Variants in ETS1 observed in about 807,000 individuals in gnomAD.
ETS1 encodes protein C-ets-1.
A neutral mutation model predicts 58.6 loss-of-function variants in ETS1; 15 were observed. The ratio of observed to expected loss-of-function variants is 0.26; its 90% CI spans 0.17 to 0.39. The LOEUF (loss-of-function observed/expected upper bound fraction) is 0.39, where lower values mean the gene tolerates loss of function less well. ETS1 is among the 10% of genes least tolerant of loss of function. ETS1 has a pLI of 1.00. For synonymous variants in ETS1, 214 were observed against 218.2 expected, an observed-to-expected ratio of 0.98 and a Z score of 0.17; for missense variants, 417 against 610.5, an observed-to-expected ratio of 0.68 and a Z score of 3.34.
chr11:128,546,716 A>C (rs1864138260), intron 3 of ETS1, among the ~76,000 whole-genome samples: 1 of 152,180 alleles, frequency 6.6e-6, no homozygotes, highest in African/African-American at 2.4e-5. Context: ...ATGGATACGA[A>C]GAGCCAAGTG....
At chr11:128,515,220 C>T (rs549231147) in intron 3 of ETS1, among the ~76,000 whole-genome samples, 1 of 151,642 alleles carries the variant, frequency 6.6e-6, no homozygotes, top group Non-Finnish European at 1.5e-5. Flanking sequence ...GAAGACACGT[C>T]CCTCTACTTC....
chr11:128,512,967 G>GAGCTGCCTTCCGCTGCAACTGC (rs1565390543), intron 3 of ETS1, among the ~76,000 whole-genome samples: 1 of 152,262 alleles, frequency 6.6e-6, no homozygotes, highest in African/African-American at 2.4e-5. Flanking sequence ...ACCTGCACTG[G>GAGCTGCCTTCCGCTGCAACTGC]AGCTGCCTTC....
chr11:128,468,797 C>A (rs1862107588), intron 8 of ETS1, among the ~76,000 whole-genome samples: 1 of 152,144 alleles, frequency 6.6e-6, no homozygotes, highest in South Asian at 2.1e-4. Flanking sequence ...TGTTTTTTCA[C>A]TGCTTCAACC....
At chr11:128,585,004 A>AAAGAAAGAAAGG (rs1864956266) in intron 1 of ETS1, among the ~76,000 whole-genome samples, 1 of 39,256 alleles carries the variant, frequency 2.5e-5, no homozygotes, top group African/African-American at 1.7e-4. Flanking sequence ...GGAAGGAAGG[A>AAAGAAAGAAAGG]AAGAAAGGAA....
intron 3 of ETS1, among the ~76,000 whole-genome samples, chr11:128,515,444 T>C (rs1485273111): frequency 1.3e-5 from 2 of 152,138 alleles, no homozygotes; most frequent in Non-Finnish European, 2.9e-5. Flanking sequence ...AAATTTAAAA[T>C]ATAATCCATG....
intron 1 of ETS1, among the ~76,000 whole-genome samples, chr11:128,582,795 T>C (rs1864900551): frequency 6.6e-6 from 1 of 152,126 alleles, no homozygotes; most frequent in South Asian, 2.1e-4. Context: ...AAAGATTGCA[T>C]AGCACAAATG....
intron 3 of ETS1, among the ~76,000 whole-genome samples, chr11:128,516,103 A>G (rs1040953932): frequency 4.6e-5 from 7 of 152,258 alleles, no homozygotes; most frequent in Non-Finnish European, 8.8e-5. Flanking sequence ...TGGAGATTAT[A>G]CATTATACAA....
chr11:128,514,572 C>G (rs1565391453), intron 3 of ETS1, among the ~76,000 whole-genome samples: 1 of 152,210 alleles, frequency 6.6e-6, no homozygotes, highest in Non-Finnish European at 1.5e-5. Flanking sequence ...ACTAACTTAA[C>G]ACTGTTGCAA....
chr11:128,520,994 A>T (rs547466343), intron 3 of ETS1, among the ~76,000 whole-genome samples: 1 of 152,312 alleles, frequency 6.6e-6, no homozygotes, highest in South Asian at 2.1e-4. Flanking sequence ...TTTCACCTCC[A>T]AAATCACTCA....
chr11:128,531,625 T>C (rs1863899162), intron 3 of ETS1, among the ~76,000 whole-genome samples: 1 of 152,248 alleles, frequency 6.6e-6, no homozygotes, highest in East Asian at 1.9e-4. Flanking sequence ...ATTCCCACTA[T>C]ATAGATGTGA....
chr11:128,513,211 T>C (rs928871717), intron 3 of ETS1, among the ~76,000 whole-genome samples: 2 of 152,248 alleles, frequency 1.3e-5, no homozygotes, highest in African/African-American at 2.4e-5. Context: ...GGGATTAGGA[T>C]GCAAATCCCC....
At chr11:128,520,167 C>A (rs541859691) in intron 3 of ETS1, among the ~76,000 whole-genome samples, 1 of 152,308 alleles carries the variant, frequency 6.6e-6, no homozygotes, top group African/African-American at 2.4e-5. Context: ...AAGAAAGTTA[C>A]TTGCCCAGAG....
At chr11:128,544,340 A>AATATATATATATATAT (rs10542616) in intron 3 of ETS1, among the ~76,000 whole-genome samples, 4,817 of 116,250 alleles carry the variant, frequency 0.041, 167 homozygotes, top group African/African-American at 0.046. Context: ...ATTGTTTACT[A>AATATATATATATATAT]ATATATATAT....
At chr11:128,525,121 A>G (rs185825251) in intron 3 of ETS1, among the ~76,000 whole-genome samples, 9 of 152,208 alleles carry the variant, frequency 5.9e-5, no homozygotes, top group Admixed American at 5.2e-4. Context: ...ACAGAATTGT[A>G]TTTTTAAGCA....
At chr11:128,539,665 A>T (rs192878560) in intron 3 of ETS1, among the ~76,000 whole-genome samples, 1 of 152,322 alleles carries the variant, frequency 6.6e-6, no homozygotes, top group Non-Finnish European at 1.5e-5. Flanking sequence ...CACACAAAAA[A>T]CTTGTACATT....
chr11:128,492,161 T>A (rs1401109476), intron 3 of ETS1, among the ~76,000 whole-genome samples: 4 of 152,218 alleles, frequency 2.6e-5, no homozygotes, highest in Non-Finnish European at 5.9e-5. Context: ...ATAAAATGAC[T>A]AAGTTCCAGG....
chr11:128,467,916 T>C (rs1862081636), intron 8 of ETS1, among the ~76,000 whole-genome samples: 1 of 152,084 alleles, frequency 6.6e-6, no homozygotes, highest in African/African-American at 2.4e-5. Flanking sequence ...CCATCTCCCA[T>C]GGCACGGAGC....
At position 128,464,258 on chromosome 11, in the gene ETS1, A is replaced by G. The variant is rs1861975948; in HGVS notation, c.1124-631T>C. 3.3e-5 allele frequency among the ~76,000 whole-genome samples: 5 copies of G among 151,176 alleles called. No homozygotes were observed. The highest frequency in any genetic ancestry group is 3.3e-4 in the Admixed American group (5 of 15,146). On this transcript the variant is annotated intron_variant, in intron 8 of 9. Transcript: ENST00000392668. This position sits in a 1 kb window ranked among gnomAD's most constrained non-coding sequence, Gnocchi z 4.1. ...CAAAGGAAAAAAAAAAAAAAGCATCATTACTATTTGAGGAATTAACGTGCC... is the reference window on the plus strand; with the variant it reads ...CAAAGGAAAAAAAAAAAAAAGCATCGTTACTATTTGAGGAATTAACGTGCC...
At chr11:128,532,657 C>CT (rs373803675) in intron 3 of ETS1, among the ~76,000 whole-genome samples, 40 of 147,524 alleles carry the variant, frequency 2.7e-4, no homozygotes, top group South Asian at 4.3e-4. Context: ...TCTTGCTCTC[C>CT]TTTTTTTTTT....
Sources: gnomAD v4.1 joint callset for allele counts (sites outside exome capture counted in the v4.1 genomes callset) on GRCh38, gnomAD v4.1.1 for gene constraint, Gnocchi (gnomAD v3.1) non-coding constraint, MANE v1.5 for transcripts, NCBI Gene and HGNC (gene_info 2026-07-23, HGNC 2026-07-21) for gene names.